Variants in ROBO3 observed in about 807,000 individuals in gnomAD.
ROBO3 encodes roundabout guidance receptor 3.
In ROBO3, 97 loss-of-function variants were observed where a neutral mutation model predicts 160.5. The ratio of observed to expected loss-of-function variants is 0.60; its 90% CI spans 0.51 to 0.72. The LOEUF is 0.72. ROBO3 is among the 30% of genes least tolerant of loss of function. ROBO3 has a pLI of 0.00. For synonymous variants in ROBO3, 780 were observed against 746.2 expected, an observed-to-expected ratio of 1.05 and a Z score of -0.74; for missense variants, 1,858 against 1,846.5, an observed-to-expected ratio of 1.01 and a Z score of -0.11.
chr11:124,875,624 T>G lies in ROBO3; in HGVS notation c.2360T>G (p.Ile787Ser). 1.2e-6 allele frequency: 2 copies of G among 1,611,258 alleles called. No homozygotes were observed. Among genetic ancestry groups the G allele is most frequent in the Non-Finnish European group, 1.7e-6 (2 of 1,178,944 alleles). ...VALGGDGNSSITVSWEPPLPS... is the reference protein window; with the variant it reads ...VALGGDGNSSSTVSWEPPLPS... ...TTGGGGGGTGATGGCAACAGCAGTA[T>G]CACTGTGTCCTGGGAACCTCCACTC... The change falls in exon 15 of 28, where the codon ATC becomes AGC. Residue 787 changes from isoleucine to serine, a missense_variant. Physicochemically the swap from Ile to Ser is moderately radical, Grantham distance 142. Coordinates refer to ENST00000397801, the MANE Select transcript of ROBO3 (RefSeq NM_022370.4).
Position 124,875,075 on chromosome 11 carries a change from C to T in ROBO3, c.2074-36C>T, listed in dbSNP as rs575961565. ...CCTGGAGGGCCTGTATGGCCCCAGC[C>T]TCCCCTTCTGGTGTGCCTTGTCCTG... On this transcript the variant is annotated intron_variant, in intron 13 of 27. Transcript: ENST00000397801. 1.1e-5 allele frequency: 17 copies of T among 1,553,604 alleles called. No homozygotes were observed. In the South Asian group the frequency reaches 1.7e-4, roughly 15 times the overall value.
Position 124,873,797 on chromosome 11 carries a change from C to A in ROBO3, c.1719C>A (p.Thr573=), listed in dbSNP as rs1290453705. Residue 573 remains threonine (T), a synonymous_variant, in exon 11 of 28, where the codon ACC becomes ACA. Transcript: ENST00000397801. The surrounding 1 kb of genome is among the most constrained non-coding windows in gnomAD (Gnocchi z 4.5). ...VVTEITKNSI[T]LTWKPNPQTG... The stretch of plus-strand genomic sequence containing the variant: ...CTGAGATCACCAAGAACAGCATTAC[C>A]CTGACCTGGAAGCCCAACCCACAAA... The A allele has an allele frequency of 6.2e-7, 1 of 1,613,934 alleles. No individual in the cohort carries two copies.
chr11:124,873,943 G>C lies in ROBO3; in HGVS notation c.1784+81G>C. On this transcript the variant is annotated intron_variant, in intron 11 of 27. Coordinates refer to ENST00000397801, the MANE Select transcript of ROBO3 (RefSeq NM_022370.4). The surrounding 1 kb of genome is among the most constrained non-coding windows in gnomAD (Gnocchi z 4.5). ...CCCTTAGGGTCTTTGCTATTGTGAGGTGGGATTCTCCAGTACCCTCTTGCA... is the reference window on the plus strand; with the variant it reads ...CCCTTAGGGTCTTTGCTATTGTGAGCTGGGATTCTCCAGTACCCTCTTGCA... 6.3e-7 allele frequency: 1 copy of C among 1,590,966 alleles called. No individual in the cohort carries two copies. Among genetic ancestry groups the C allele is most frequent in the Non-Finnish European group, 8.6e-7 (1 of 1,161,776 alleles).
Position 124,879,776 on chromosome 11 carries a change from T to A in ROBO3, c.3797-11T>A. The A allele has an allele frequency of 6.2e-7, 1 of 1,612,702 alleles. No individual in the cohort carries two copies. The highest frequency in any genetic ancestry group is 1.1e-5 in the South Asian group (1 of 90,912). On this transcript the variant is annotated splice_polypyrimidine_tract_variant and intron_variant, in intron 25 of 27. Coordinates refer to ENST00000397801, the MANE Select transcript of ROBO3 (RefSeq NM_022370.4). Reference sequence around the variant, plus strand: ...GGCAGGAGGCTCCGCTGAAAACAGCTCCCTCCCCAGACTTGCCCCCACCAC... The same window carrying A: ...GGCAGGAGGCTCCGCTGAAAACAGCACCCTCCCCAGACTTGCCCCCACCAC...
At chr11:124,879,013 T>A in intron 23 of ROBO3, 177 bp from the exon 24 acceptor site, 5 of 816,072 alleles carry the variant, frequency 6.1e-6, no homozygotes, top group Non-Finnish European at 1.9e-6. Flanking sequence ...GTCAGCACTC[T>A]ACCTGAGACA....
Position 124,873,109 on chromosome 11 carries a change from C to A in ROBO3, c.1536+20C>A. 2 of 1,605,546 alleles carry A rather than the reference C, an allele frequency of 1.2e-6. No homozygotes were observed. Among genetic ancestry groups the A allele is most frequent in the Non-Finnish European group, 8.5e-7 (1 of 1,174,314 alleles). ...GTGCAGGTGAGTGTCACCCCTGGGG[C>A]CCTAGTAGCTGAGAATGGCTATCTG... On this transcript the variant is annotated intron_variant, in intron 9 of 27. Transcript: ENST00000397801. This position sits in a 1 kb window ranked among gnomAD's most constrained non-coding sequence, Gnocchi z 4.5.
chr11:124,880,219 C>A (rs1250791986), intron 26 of ROBO3, among the ~76,000 whole-genome samples, 199 bp from the exon 27 acceptor site: 1 of 152,196 alleles, frequency 6.6e-6, no homozygotes, highest in African/African-American at 2.4e-5. Flanking sequence ...TTGGGAGCTC[C>A]CCCGCAGCGT....
chr11:124,877,030 T>C (rs887730624), intron 17 of ROBO3, 131 bp from the exon 18 acceptor site: 2 of 1,018,370 alleles, frequency 2.0e-6, no homozygotes, highest in African/African-American at 3.2e-5. Flanking sequence ...GAAATTCTGA[T>C]GAAATGGGTC....
chr11:124,870,881 C>A, intron 6 of ROBO3, 133 bp from the exon 7 acceptor site: 1 of 1,517,988 alleles, frequency 6.6e-7, no homozygotes, highest in Non-Finnish European at 9.0e-7. Context: ...GAACACTAAA[C>A]AGGCCGGGAG....
At chr11:124,877,473 G>A (rs1417080063) in intron 19 of ROBO3, 46 bp from the exon 20 acceptor site, 3 of 1,599,450 alleles carry the variant, frequency 1.9e-6, no homozygotes, top group Non-Finnish European at 2.6e-6. Context: ...TCCTTTGCTG[G>A]CCTCTTCAGG....
At chr11:124,867,926 G>A (rs1320543778) in intron 1 of ROBO3, among the ~76,000 whole-genome samples, 1 of 152,190 alleles carries the variant, frequency 6.6e-6, no homozygotes, top group Non-Finnish European at 1.5e-5. Flanking sequence ...ACTAGGGGCT[G>A]AGAGTGCCGG....
chr11:124,877,416 A>G (rs939330325), intron 19 of ROBO3, 103 bp from the exon 20 acceptor site: 62 of 1,586,116 alleles, frequency 3.9e-5, no homozygotes, highest in Non-Finnish European at 5.3e-5. Context: ...TCCCACCCCA[A>G]CACCACCGCC....
At position 124,877,318 on chromosome 11, in the gene ROBO3, C is replaced by T. The variant is rs1555046530; in HGVS notation, c.2846+9C>T. ...TCTGGAGCCAGTTCCAGGTAATTCT[C>T]TTAGCCCATTTCCTCAGGATGACCT... On this transcript the variant is annotated intron_variant, in intron 19 of 27. Transcript: ENST00000397801. 1.2e-6 allele frequency: 2 copies of T among 1,613,872 alleles called. No homozygotes were observed. Among genetic ancestry groups the T allele is most frequent in the South Asian group, 2.2e-5 (2 of 91,070 alleles).
chr11:124,877,239 C>T (rs745889288), intron 18 of ROBO3, 28 bp from the exon 19 acceptor site: 1 of 1,613,974 alleles, frequency 6.2e-7, no homozygotes, highest in African/African-American at 1.3e-5. Flanking sequence ...GCCCTTCTCT[C>T]ACTCATTCGC....
intron 23 of ROBO3, 102 bp from the exon 24 acceptor site, chr11:124,879,086 GTC>G: frequency 1.5e-6 from 2 of 1,333,268 alleles, no homozygotes; most frequent in Non-Finnish European, 2.0e-6. Context: ...GACGGGTTGT[GTC>G]TCGTTTATCT....
At chr11:124,875,007 G>T (rs1054059857) in intron 13 of ROBO3, 98 bp downstream of exon 13, 2 of 1,521,232 alleles carry the variant, frequency 1.3e-6, no homozygotes, top group African/African-American at 2.7e-5. Flanking sequence ...GTGAGTGGCT[G>T]GGGAAGGCGG....
Position 124,875,544 on chromosome 11 carries a change from C to A in ROBO3, c.2300-20C>A. ...CAATGACTATTTGTGTCCTTCTCAC[C>A]ATGCTCCACCCTGGCCCAGCCCCCA... On this transcript the variant is annotated intron_variant, in intron 14 of 27. Transcript: ENST00000397801. 6.2e-7 allele frequency: 1 copy of A among 1,610,188 alleles called. No homozygotes were observed. The highest frequency in any genetic ancestry group is 8.5e-7 in the Non-Finnish European group (1 of 1,178,684).
In ROBO3 at chr11:124,875,351, C is replaced by G; in HGVS notation, c.2299+15C>G. 1.3e-6 allele frequency: 2 copies of G among 1,558,920 alleles called. No individual in the cohort carries two copies. The highest frequency in any genetic ancestry group is 1.7e-6 in the Non-Finnish European group (2 of 1,146,598). On this transcript the variant is annotated intron_variant, in intron 14 of 27. Transcript: ENST00000397801. ...TCCTGAGGAGGGTAAGGAGGGCCAC[C>G]GAACAGATGGATGGACAAGAGGGAA...
chr11:124,869,086 C>G lies in ROBO3; in HGVS notation c.445C>G (p.Leu149Val). 1.3e-6 allele frequency: 2 copies of G among 1,590,932 alleles called. No individual in the cohort carries two copies. The highest frequency in any genetic ancestry group is 1.7e-6 in the Non-Finnish European group (2 of 1,168,520). Residue 149 changes from leucine to valine, a missense_variant, in exon 2 of 28, where the codon CTG becomes GTG. Physicochemically the swap from Leu to Val is conservative, Grantham distance 32. Coordinates refer to ENST00000397801, the MANE Select transcript of ROBO3 (RefSeq NM_022370.4). The surrounding 1 kb of genome is among the most constrained non-coding windows in gnomAD (Gnocchi z 4.2). The stretch of plus-strand genomic sequence containing the variant: ...CTACACTTGCGTGGCTCGCAACTAC[C>G]TGGGGGCAGCAGCGAGCAGAAACGC... ...GVYTCVARNY[L>V]GAAASRNASL... is the part of the protein sequence containing the mutation.
Sources: allele counts gnomAD v4.1 joint callset (sites outside exome capture counted in the v4.1 genomes callset), GRCh38; gene constraint gnomAD v4.1.1; non-coding constraint Gnocchi (gnomAD v3.1); transcripts MANE v1.5; gene names NCBI Gene and HGNC (gene_info 2026-07-23, HGNC 2026-07-21).